Variants in PI4K2A observed in about 807,000 individuals in gnomAD.
PI4K2A encodes phosphatidylinositol 4-kinase type 2 alpha, also known as phosphatidylinositol 4-kinase type 2-alpha.
PI4K2A carries 20 observed loss-of-function variants against 55.0 expected under a neutral mutation model. The ratio of observed to expected loss-of-function variants is 0.36; its 90% confidence interval spans 0.26 to 0.53. The LOEUF (loss-of-function observed/expected upper bound fraction) is 0.53. PI4K2A is among the 20% of genes least tolerant of loss of function. PI4K2A has a pLI of 0.91. For synonymous variants in PI4K2A, 235 were observed against 258.5 expected (o/e 0.91, Z 0.87); for missense variants, 463 against 637.1 (o/e 0.73, Z 2.94).
At chr10:97,663,027 C>A in intron 5 of PI4K2A, 59 bp downstream of exon 5, 2 of 1,130,920 alleles carry the variant, frequency 1.8e-6, no homozygotes, top group Non-Finnish European at 2.7e-6. Context: ...TATAGAAACA[C>A]ATAAAATGGT....
rs79346906 is a variant in PI4K2A, at chr10:97,654,994, A to C, written c.637-1291A>C. Among the ~76,000 whole-genome samples, 516 of 152,308 alleles carry C rather than the reference A, an allele frequency of 3.4e-3. 7 individuals are homozygous for C. In the East Asian group the frequency reaches 0.042, roughly 12 times the overall value. ...CAGCCAGGATTACAGTGTATAGCCT[A>C]TACATAAAAATAGCAGTTAATTAAA... On this transcript the variant is annotated intron_variant, in intron 2 of 8. Coordinates refer to ENST00000370631, the Ensembl canonical transcript of PI4K2A.
intron 7 of PI4K2A, 111 bp downstream of exon 7, chr10:97,666,682 T>G (rs950537081): frequency 8.0e-5 from 74 of 920,900 alleles, no homozygotes; most frequent in Non-Finnish European, 1.1e-4. Context: ...CCTTTCTGAC[T>G]TGAGTTAGCC....
At chr10:97,642,174 C>T (rs944615773) in intron 1 of PI4K2A, among the ~76,000 whole-genome samples, 2 of 152,058 alleles carry the variant, frequency 1.3e-5, no homozygotes, top group Admixed American at 1.3e-4. Flanking sequence ...CTTTAGATGG[C>T]CAGGGTGCTG....
intron 1 of PI4K2A, among the ~76,000 whole-genome samples, chr10:97,647,488 A>G (rs1047031352): frequency 2.6e-5 from 4 of 152,228 alleles, no homozygotes; most frequent in African/African-American, 9.6e-5. Flanking sequence ...ATTCAGTAGC[A>G]TAGTTGATTT....
In PI4K2A at chr10:97,656,722, C is replaced by G. The variant is rs2041556642; in HGVS notation, c.769-99C>G. ...CTTGAAAAGTTTTCCTTCTCTGATA[C>G]AAACTCCATAGGGCCTTAATGGGTA... On this transcript the variant is annotated intron_variant, in intron 3 of 8. Coordinates refer to ENST00000370631, the Ensembl canonical transcript of PI4K2A. The surrounding 1 kb of genome is among the most constrained non-coding windows in gnomAD (Gnocchi z 4.5). 2 of 1,094,646 alleles carry G rather than the reference C, an allele frequency of 1.8e-6. No homozygotes were observed. Among genetic ancestry groups the G allele is most frequent in the Non-Finnish European group, 2.7e-6 (2 of 742,176 alleles). 67.8% of individuals were successfully genotyped at this position (1,094,646 alleles called of 1,614,324 possible).
intron 8 of PI4K2A, among the ~76,000 whole-genome samples, chr10:97,672,963 T>A (rs2041643828): frequency 6.6e-6 from 1 of 151,212 alleles, no homozygotes; most frequent in African/African-American, 2.4e-5. Context: ...TGTTCATTTT[T>A]AAGTGTTTTT....
chr10:97,669,709 G>A (rs992417000), intron 8 of PI4K2A, among the ~76,000 whole-genome samples: 2 of 152,188 alleles, frequency 1.3e-5, no homozygotes, highest in Admixed American at 6.5e-5. Flanking sequence ...ACAGAGAAAA[G>A]AGGTCATAAC....
chr10:97,675,433 A>G (rs1466046577), exon 9 of PI4K2A: 1 of 152,478 alleles, frequency 6.6e-6, no homozygotes, highest in African/African-American at 2.4e-5. Flanking sequence ...GCCTGCCCCA[A>G]TCCCAGCCCC....
chr10:97,669,857 G>T (rs902878424), intron 8 of PI4K2A, among the ~76,000 whole-genome samples: 1 of 152,122 alleles, frequency 6.6e-6, no homozygotes, highest in Admixed American at 6.5e-5. Flanking sequence ...GCTTCTCACC[G>T]GGAGTTAAAG....
intron 8 of PI4K2A, among the ~76,000 whole-genome samples, chr10:97,669,410 A>G (rs2041625202): frequency 6.6e-6 from 1 of 152,184 alleles, no homozygotes; most frequent in African/African-American, 2.4e-5. Flanking sequence ...ATCCCAGCTC[A>G]GTCCCTTGCC....
In PI4K2A at chr10:97,656,472, C is replaced by G. The variant is rs1385758390; in HGVS notation, c.768+56C>G. The G allele has an allele frequency of 6.4e-7, 1 of 1,561,188 alleles. No individual in the cohort carries two copies. The highest frequency in any genetic ancestry group is 8.8e-7 in the Non-Finnish European group (1 of 1,136,950). ...CATGATTTATAGTGACATAGTCATC[C>G]AAGTGGTGAAGCAAGGTGCCTACAA... On this transcript the variant is annotated intron_variant, in intron 3 of 8. Coordinates refer to ENST00000370631, the Ensembl canonical transcript of PI4K2A. The surrounding 1 kb of genome is among the most constrained non-coding windows in gnomAD (Gnocchi z 4.5).
At chr10:97,671,492 T>C (rs1307105591) in intron 8 of PI4K2A, among the ~76,000 whole-genome samples, 2 of 152,148 alleles carry the variant, frequency 1.3e-5, no homozygotes, top group Non-Finnish European at 2.9e-5. Flanking sequence ...GGGCAAATGC[T>C]ATATAGGAAC....
Position 97,655,164 on chromosome 10 carries a change from G to A in PI4K2A, c.637-1121G>A, listed in dbSNP as rs1172711391. Among the ~76,000 whole-genome samples the A allele has an allele frequency of 3.3e-5, 5 of 152,074 alleles. No homozygotes were observed. In the South Asian group the frequency reaches 1.0e-3, roughly 31 times the overall value. ...GTAGGAGGATCACCTGAGGTCAGGA[G>A]ATCAAGACCAGCCTGGCCAACATGG... On this transcript the variant is annotated intron_variant, in intron 2 of 8. Coordinates refer to ENST00000370631, the Ensembl canonical transcript of PI4K2A.
exon 9 of PI4K2A, chr10:97,676,362 T>A (rs1414292781): frequency 6.6e-6 from 1 of 152,262 alleles, no homozygotes; most frequent in Non-Finnish European, 1.5e-5. Flanking sequence ...ATGACATGGT[T>A]CCCTACTAGG....
At chr10:97,645,283 G>A (rs2041499541) in intron 1 of PI4K2A, among the ~76,000 whole-genome samples, 1 of 152,054 alleles carries the variant, frequency 6.6e-6, no homozygotes, top group Non-Finnish European at 1.5e-5. Flanking sequence ...CTTAATTAGG[G>A]TTCTTGGGGT....
chr10:97,662,409 G>A (rs1423744100), intron 4 of PI4K2A, among the ~76,000 whole-genome samples: 1 of 152,150 alleles, frequency 6.6e-6, no homozygotes, highest in Non-Finnish European at 1.5e-5. Flanking sequence ...ATTTCTTTTG[G>A]CAAGCATCTA....
In PI4K2A at chr10:97,654,688, G is replaced by A. The variant is rs141862375; in HGVS notation, c.637-1597G>A. 1.4e-3 allele frequency among the ~76,000 whole-genome samples: 210 copies of A among 152,198 alleles called. 1 individual carries two copies. Among genetic ancestry groups the A allele is most frequent in the African/African-American group, 4.9e-3 (204 of 41,538 alleles). On this transcript the variant is annotated intron_variant, in intron 2 of 8. Transcript: ENST00000370631. Reference sequence around the variant, plus strand: ...TGCTAATATAAATAAGATGTTCTCCGCTTCCTCAAATCTCATTCATTTTAA... The same window carrying A: ...TGCTAATATAAATAAGATGTTCTCCACTTCCTCAAATCTCATTCATTTTAA...
chr10:97,650,962 C>A, exon 2 of PI4K2A: 1 of 1,613,776 alleles, frequency 6.2e-7, no homozygotes, highest in Non-Finnish European at 8.5e-7. Flanking sequence ...TGTCTTCAAA[C>A]CCAAGAATGA....
chr10:97,641,170 C>T, exon 1 of PI4K2A: 1 of 1,603,204 alleles, frequency 6.2e-7, no homozygotes, highest in Admixed American at 1.7e-5. Context: ...GTCAAGGACC[C>T]TCAGGGGGTG....
Sources: allele counts gnomAD v4.1 joint callset (sites outside exome capture counted in the v4.1 genomes callset), GRCh38; gene constraint gnomAD v4.1.1; non-coding constraint Gnocchi (gnomAD v3.1); transcripts MANE v1.5; gene names NCBI Gene and HGNC (gene_info 2026-07-23, HGNC 2026-07-21).